Variants in EPHX4 observed in about 807,000 individuals in gnomAD.
EPHX4 encodes the protein epoxide hydrolase 4.
In EPHX4, 31 loss-of-function variants were observed where a neutral mutation model predicts 44.9. The observed-to-expected ratio is 0.69, with a 90% CI of 0.52 to 0.93. The LOEUF (loss-of-function observed/expected upper bound fraction) is 0.93, where lower values mean the gene tolerates loss of function less well. EPHX4 is among the 40% of genes least tolerant of loss of function. The pLI is 0.00. For missense variants in EPHX4, 373 were observed against 438.1 expected (o/e 0.85, Z 1.33); for synonymous variants, 151 against 159.7 (o/e 0.95, Z 0.41).
chr1:92,044,474 A>C (rs1688555172), intron 3 of EPHX4, among the ~76,000 whole-genome samples: 1 of 152,216 alleles, frequency 6.6e-6, no homozygotes, highest in Non-Finnish European at 1.5e-5. Context: ...GAAAGAATTA[A>C]GCAATTTTAA....
At position 92,032,607 on chromosome 1, in the gene EPHX4, A is replaced by G. The variant is rs1199212460; in HGVS notation, c.317+17A>G. ...AGAATTCTGGTAAGCTTACCAACTAACATTTATTGTTACATTAAAACTTGG... is the reference window on the plus strand; with the variant it reads ...AGAATTCTGGTAAGCTTACCAACTAGCATTTATTGTTACATTAAAACTTGG... On this transcript the variant is annotated intron_variant, in intron 2 of 6. Transcript: ENST00000370383. 6.2e-7 allele frequency: 1 copy of G among 1,601,628 alleles called. No homozygotes were observed. Among genetic ancestry groups the G allele is most frequent in the South Asian group, 1.1e-5 (1 of 90,696 alleles).
intron 4 of EPHX4, among the ~76,000 whole-genome samples, chr1:92,049,721 A>C (rs1473943070): frequency 1.3e-5 from 2 of 152,200 alleles, no homozygotes; most frequent in Admixed American, 1.3e-4. Context: ...GGTCACTGAT[A>C]ATGACCTTGG....
intron 6 of EPHX4, 110 bp from the exon 7 acceptor site, chr1:92,062,945 T>C (rs945436669): frequency 3.6e-5 from 33 of 924,876 alleles, no homozygotes; most frequent in Non-Finnish European, 8.3e-6. Flanking sequence ...TTCACCCTTT[T>C]AGAGGCAAGA....
chr1:92,052,709 C>A, intron 6 of EPHX4, 51 bp downstream of exon 6: 4 of 1,450,100 alleles, frequency 2.8e-6, no homozygotes, highest in South Asian at 1.4e-5. Context: ...TCTGATCCTA[C>A]AGGGACAATA....
At position 92,030,248 on chromosome 1, in the gene EPHX4, G is replaced by A. The variant is rs1688338025; in HGVS notation, c.169G>A (p.Glu57Lys). 1.2e-6 allele frequency: 2 copies of A among 1,603,682 alleles called. No individual in the cohort carries two copies. Among genetic ancestry groups the A allele is most frequent in the Non-Finnish European group, 8.5e-7 (1 of 1,175,368 alleles). ...PAQTFRRPAR[E>K]HPPACLSDPS... Reference sequence around the variant, plus strand: ...GCAGACCTTCCGGCGGCCCGCCCGGGAGCACCCTCCCGCGTGCCTGAGCGA... The same window carrying A: ...GCAGACCTTCCGGCGGCCCGCCCGGAAGCACCCTCCCGCGTGCCTGAGCGA... The change falls in exon 1 of 7, where the codon GAG becomes AAG. Residue 57 changes from glutamate to lysine, a missense_variant. Glu to Lys is a moderately conservative substitution (Grantham distance 56, BLOSUM62 1). Coordinates refer to ENST00000370383, the MANE Select transcript of EPHX4 (RefSeq NM_173567.5).
chr1:92,058,161 G>A (rs1056100225), intron 6 of EPHX4, among the ~76,000 whole-genome samples: 1 of 151,912 alleles, frequency 6.6e-6, no homozygotes, highest in African/African-American at 2.4e-5. Context: ...AATTAATTAG[G>A]CTGGGCACAG....
At position 92,063,089 on chromosome 1, in the gene EPHX4, C is replaced by T. The variant is rs778936406; in HGVS notation, c.892C>T (p.Pro298Ser). The change falls in exon 7 of 7, where the codon CCA (proline) becomes TCA (serine). Residue 298 changes from proline (P) to serine (S), a missense_variant. Transcript: ENST00000370383. ...LPLKHHMVTT[P>S]TLLLWGENDA... ...TCTCAAACATCACATGGTGACCACT[C>T]CAACACTACTACTGTGGGGAGAGAA... 1 of 1,614,022 alleles carries T rather than the reference C, an allele frequency of 6.2e-7. No individual in the cohort carries two copies. Among genetic ancestry groups the T allele is most frequent in the Admixed American group, 1.7e-5 (1 of 60,014 alleles).
In EPHX4 at chr1:92,062,905, G is replaced by T. The variant is rs1452744993; in HGVS notation, c.858-150G>T. 8.1e-5 allele frequency: 51 copies of T among 626,120 alleles called. No individual in the cohort carries two copies. The Admixed American group carries it at 1.5e-3, about 18-fold the overall frequency. 38.8% of individuals were successfully genotyped at this position (626,120 alleles called of 1,614,324 possible). ...CATGCTTTATATATGCAAAGGGTAA[G>T]ATTTTTTTCACCCTCCCAAGAACAC... On this transcript the variant is annotated intron_variant, in intron 6 of 6. Transcript: ENST00000370383.
intron 6 of EPHX4, among the ~76,000 whole-genome samples, chr1:92,055,832 T>G (rs1647355235): frequency 6.6e-6 from 1 of 152,200 alleles, no homozygotes; most frequent in Admixed American, 6.5e-5. Context: ...ATTTATCTTT[T>G]TATCGCACTT....
At position 92,030,017 on chromosome 1, in the gene EPHX4, C is replaced by G. The variant is rs1488487132; in HGVS notation, c.-63C>G. On this transcript the variant is annotated 5_prime_UTR_variant, in exon 1 of 7. Coordinates refer to ENST00000370383, the MANE Select transcript of EPHX4 (RefSeq NM_173567.5). Reference sequence around the variant, plus strand: ...GAGAGGCGACGGCGGGCTGGCCTGGCGCGCTGCGGCGCTCGCTCACCCGCT... The same window carrying G: ...GAGAGGCGACGGCGGGCTGGCCTGGGGCGCTGCGGCGCTCGCTCACCCGCT... 1.6e-6 allele frequency: 2 copies of G among 1,260,462 alleles called. No homozygotes were observed. Among genetic ancestry groups the G allele is most frequent in the East Asian group, 6.3e-5 (2 of 31,860 alleles). The allele number at this position is 1,260,462 out of a possible 1,614,324, so 78.1% of individuals were successfully genotyped here.
intron 6 of EPHX4, among the ~76,000 whole-genome samples, chr1:92,054,587 C>CA (rs745316500): frequency 0.15 from 8,111 of 54,012 alleles, 781 homozygotes; most frequent in African/African-American, 0.31. Context: ...GACTCCATCT[C>CA]AAAAAAAAAA....
At chr1:92,062,940 C>T in intron 6 of EPHX4, 115 bp from the exon 7 acceptor site, 1 of 861,306 alleles carries the variant, frequency 1.2e-6, no homozygotes, top group Non-Finnish European at 1.8e-6. Flanking sequence ...CAATTTTCAC[C>T]CTTTTAGAGG....
At chr1:92,035,448 G>GA (rs1557881457) in intron 2 of EPHX4, among the ~76,000 whole-genome samples, 1 of 152,074 alleles carries the variant, frequency 6.6e-6, no homozygotes, top group Non-Finnish European at 1.5e-5. Context: ...TCAAAATGTC[G>GA]AAAATCTTTC....
intron 6 of EPHX4, among the ~76,000 whole-genome samples, chr1:92,055,936 A>G (rs1008837719): frequency 6.6e-6 from 1 of 152,076 alleles, no homozygotes; most frequent in Non-Finnish European, 1.5e-5. Context: ...ATAGTTGTTT[A>G]TTAGGAGGAC....
Position 92,042,809 on chromosome 1 carries a change from C to CT in EPHX4, c.318-8dup, listed in dbSNP as rs2101869462. ...GCTAATATGATATTTTAAATGCTTC[C>CT]TTTTTTCCTGCAGGTATTCTTGGCG... is the stretch of plus-strand genomic sequence containing the variant. On this transcript the variant is annotated splice_polypyrimidine_tract_variant and intron_variant, in intron 2 of 6. Coordinates refer to ENST00000370383, the MANE Select transcript of EPHX4 (RefSeq NM_173567.5). 2 of 1,598,204 alleles carry CT rather than the reference C, an allele frequency of 1.3e-6. No individual in the cohort carries two copies. Among genetic ancestry groups the CT allele is most frequent in the East Asian group, 2.2e-5 (1 of 44,464 alleles).
At chr1:92,040,176 ATTTT>A (rs10646888) in intron 2 of EPHX4, among the ~76,000 whole-genome samples, 1 of 112,150 alleles carries the variant, frequency 8.9e-6, no homozygotes. Context: ...TGTTACAATG[ATTTT>A]TTTTTTTTTT....
At position 92,052,561 on chromosome 1, in the gene EPHX4, T is replaced by C; in HGVS notation, c.760T>C (p.Cys254Arg). The change falls in exon 6 of 7, where the codon TGC becomes CGC. Residue 254 changes from cysteine to arginine, a missense_variant. Coordinates refer to ENST00000370383, the MANE Select transcript of EPHX4 (RefSeq NM_173567.5). ...CAGCACTGGCATTGGAAGAAAAGGA[T>C]GCCAATTAACAACAGAGGATCTTGA... ...SHSTGIGRKG[C>R]QLTTEDLEAY... The C allele has an allele frequency of 6.2e-7, 1 of 1,612,500 alleles. No individual in the cohort carries two copies. The highest frequency in any genetic ancestry group is 8.5e-7 in the Non-Finnish European group (1 of 1,179,382).
At chr1:92,043,095 A>G (rs1235229944) in intron 3 of EPHX4, 115 bp downstream of exon 3, 3 of 848,458 alleles carry the variant, frequency 3.5e-6, no homozygotes, top group Non-Finnish European at 5.3e-6. Flanking sequence ...AATTATCTGG[A>G]TCCTGTCACT....
At chr1:92,041,333 G>T (rs1275443499) in intron 2 of EPHX4, among the ~76,000 whole-genome samples, 1 of 152,096 alleles carries the variant, frequency 6.6e-6, no homozygotes, top group African/African-American at 2.4e-5. Context: ...ATCTTAAATG[G>T]TTGTTTTATT....
Sources: gnomAD v4.1 joint callset for allele counts (sites outside exome capture counted in the v4.1 genomes callset) on GRCh38, gnomAD v4.1.1 for gene constraint, MANE v1.5 for transcripts, NCBI Gene and HGNC (gene_info 2026-07-23, HGNC 2026-07-21) for gene names.